Variants in ADGRG4 observed in about 807,000 individuals in gnomAD.
The protein encoded by ADGRG4 is G protein-coupled receptor 112.
ADGRG4 carries 122 observed loss-of-function variants against 126.2 expected under a neutral mutation model. The ratio of observed to expected loss-of-function variants is 0.97; its 90% CI spans 0.83 to 1.12. The LOEUF (loss-of-function observed/expected upper bound fraction) is 1.12, where lower values mean the gene tolerates loss of function less well. Among genes scored for constraint, ADGRG4 ranks in the 50% most tolerant of loss-of-function variants. ADGRG4 has a pLI of 0.00. For missense variants in ADGRG4, 2,481 were observed against 2,251.8 expected (o/e 1.10, Z -2.06); for synonymous variants, 943 against 838.7 (o/e 1.12, Z -2.15).
intron 5 of ADGRG4, among the ~76,000 whole-genome samples, chrX:136,342,963 A>G (rs1211265223): frequency 9.4e-6 from 1 of 106,313 alleles, no homozygotes; most frequent in Non-Finnish European, 1.9e-5. Context: ...ACTTAAAAAG[A>G]TCATTTTGGT....
At chrX:136,315,941 C>A (rs142791239) in intron 4 of ADGRG4, among the ~76,000 whole-genome samples, 173 of 111,805 alleles carry the variant, frequency 1.5e-3, no homozygotes, top group African/African-American at 5.3e-3. Context: ...AGAACAGATT[C>A]TCTCTCACAG....
intron 15 of ADGRG4, among the ~76,000 whole-genome samples, chrX:136,375,729 G>A (rs1036784758): frequency 2.7e-5 from 3 of 111,427 alleles, no homozygotes; most frequent in Non-Finnish European, 5.7e-5. Flanking sequence ...TTTTTGATAG[G>A]ATCCTTTGAT....
chrX:136,393,054 T>C (rs778169536), intron 17 of ADGRG4, among the ~76,000 whole-genome samples: 1 of 112,091 alleles, frequency 8.9e-6, no homozygotes, highest in South Asian at 3.8e-4. Flanking sequence ...TTATCCCCGG[T>C]AACTAATTGC....
chrX:136,328,486 A>G (rs2074888721), intron 5 of ADGRG4, among the ~76,000 whole-genome samples: 1 of 112,264 alleles, frequency 8.9e-6, no homozygotes, highest in African/African-American at 3.2e-5. Flanking sequence ...CATGCAGATT[A>G]AATTCCTTTT....
intron 23 of ADGRG4, among the ~76,000 whole-genome samples, chrX:136,408,880 C>G (rs954484324): frequency 9.0e-6 from 1 of 111,247 alleles, no homozygotes; most frequent in Non-Finnish European, 1.9e-5. Context: ...AAACTAAAAT[C>G]AAAGTCCCAT....
chrX:136,379,337 G>A (rs2075245770), intron 15 of ADGRG4, among the ~76,000 whole-genome samples: 1 of 110,873 alleles, frequency 9.0e-6, no homozygotes, highest in African/African-American at 3.3e-5. Context: ...TTTCTGTAAA[G>A]GGCAGATAAT....
At chrX:136,334,502 A>T (rs2074937490) in intron 5 of ADGRG4, among the ~76,000 whole-genome samples, 1 of 112,037 alleles carries the variant, frequency 8.9e-6, no homozygotes, top group African/African-American at 3.2e-5. Context: ...TGGAATATTG[A>T]TAGGAATTGG....
In ADGRG4 at chrX:136,346,962, C is replaced by T. The variant is rs866052593; in HGVS notation, c.3256C>T (p.Arg1086Cys). ...TGTGCCTACCCATGGAGACTTGATT[C>T]GTACCACTTCAGAGGCCACGGTAAT... The part of the protein sequence containing the change: ...VIVPTHGDLI[R>C]TTSEATVISV... The change falls in exon 6 of 26, where the codon CGT (arginine) becomes TGT (cysteine). Residue 1086 changes from arginine to cysteine, a missense_variant. Transcript: ENST00000394143. 13 of 1,210,440 alleles carry T rather than the reference C, an allele frequency of 1.1e-5. No homozygotes were observed. The highest frequency in any genetic ancestry group is 3.0e-5 in the East Asian group (1 of 33,815).
intron 8 of ADGRG4, among the ~76,000 whole-genome samples, chrX:136,355,441 G>T (rs1299310147): frequency 9.0e-6 from 1 of 110,504 alleles, no homozygotes; most frequent in Non-Finnish European, 1.9e-5. Flanking sequence ...GATGTCTGGG[G>T]GTATAAAACA....
intron 4 of ADGRG4, among the ~76,000 whole-genome samples, chrX:136,310,135 T>G (rs2074758677): frequency 1.8e-5 from 2 of 109,904 alleles, no homozygotes; most frequent in South Asian, 7.9e-4. Flanking sequence ...TCAGTGAAAA[T>G]TATTATTATT....
rs1491589121 is a variant in ADGRG4 at position 136,380,603 on chromosome X, C to CTT, written c.7777-7137_7777-7136insTT. Among the ~76,000 whole-genome samples the CTT allele has an allele frequency of 5.0e-3, 405 of 80,884 alleles. 3 individuals carry two copies. Among genetic ancestry groups the CTT allele is most frequent in the South Asian group, 7.0e-3 (10 of 1,425 alleles). The allele number at this position is 80,884 out of a possible 115,157, so 70.2% of individuals were successfully genotyped here. ...TCCTCCTCCTCCTCCTCCTCCTCCTCCTCTTCTTCTTCTTCTTCTTCTTCT... is the reference window on the plus strand; with the variant it reads ...TCCTCCTCCTCCTCCTCCTCCTCCTCTTCTCTTCTTCTTCTTCTTCTTCTTCT... On this transcript the variant is annotated intron_variant, in intron 15 of 25. Transcript: ENST00000394143.
intron 15 of ADGRG4, among the ~76,000 whole-genome samples, chrX:136,384,103 G>A (rs1001379005): frequency 9.1e-6 from 1 of 109,707 alleles, no homozygotes; most frequent in Non-Finnish European, 1.9e-5. Flanking sequence ...TAGAGACAGG[G>A]TTTCACCATG....
chrX:136,347,143 C>T lies in ADGRG4; in HGVS notation c.3437C>T (p.Ser1146Leu). The change falls in exon 6 of 26, where the codon TCA (serine) becomes TTA (leucine). Residue 1146 changes from serine (S) to leucine (L), a missense_variant. Physicochemically the swap from Ser to Leu is moderately radical, Grantham distance 145. Transcript: ENST00000394143. ...VTPSTHTLVC[S>L]KPPPDNIPPA... ...CCATCTACACACACTCTTGTCTGCT[C>T]AAAACCTCCCCCTGACAACATTCCT... The T allele has an allele frequency of 1.7e-6, 2 of 1,211,061 alleles. No homozygotes were observed. The highest frequency in any genetic ancestry group is 2.2e-6 in the Non-Finnish European group (2 of 895,100).
rs1195117561 is a variant in ADGRG4 at position 136,302,253 on chromosome X, T to C, written c.-254+1253T>C. ...TTCCATTTGTTTGTGTCCTCTTTTA[T>C]TTCACTGAGCAATGGTTTGTGGTTC... On this transcript the variant is annotated intron_variant, in intron 1 of 25. Coordinates refer to ENST00000394143, the MANE Select transcript of ADGRG4 (RefSeq NM_153834.4). Among the ~76,000 whole-genome samples, 15 of 111,947 alleles carry C rather than the reference T, an allele frequency of 1.3e-4. No individual in the cohort carries two copies. The East Asian group carries it at 3.9e-3, about 29-fold the overall frequency.
chrX:136,325,742 G>A (rs1382867200), intron 5 of ADGRG4, among the ~76,000 whole-genome samples: 3 of 96,563 alleles, frequency 3.1e-5, no homozygotes, highest in Admixed American at 1.3e-4. Flanking sequence ...ATGGAGTCTC[G>A]CTGCGACACC....
chrX:136,349,877 A>G lies in ADGRG4; in HGVS notation c.6171A>G (p.Thr2057=). ...MISAHPFTNL[T]TLPSATMSTI... Reference sequence around the variant, plus strand: ...CAGCGCACCCATTCACTAACTTGACAACACTACCCTCTGCTACTATGAGCA... The same window carrying G: ...CAGCGCACCCATTCACTAACTTGACGACACTACCCTCTGCTACTATGAGCA... The change falls in exon 6 of 26, where the codon ACA becomes ACG. Residue 2057 remains threonine, a synonymous_variant. Coordinates refer to ENST00000394143, the MANE Select transcript of ADGRG4 (RefSeq NM_153834.4). The G allele has an allele frequency of 8.3e-7, 1 of 1,210,507 alleles. No individual in the cohort carries two copies. Among genetic ancestry groups the G allele is most frequent in the Admixed American group, 2.2e-5 (1 of 45,989 alleles).
intron 16 of ADGRG4, among the ~76,000 whole-genome samples, chrX:136,388,414 G>T (rs996042565): frequency 8.9e-6 from 1 of 112,186 alleles, no homozygotes; most frequent in Admixed American, 9.4e-5. Flanking sequence ...CTCAGGGGCA[G>T]GCTGGTTGAA....
intron 1 of ADGRG4, among the ~76,000 whole-genome samples, chrX:136,303,409 C>T (rs897073268): frequency 3.1e-4 from 34 of 111,420 alleles, no homozygotes; most frequent in African/African-American, 1.0e-3. Context: ...ACCTTGATTG[C>T]GCCAATGTAT....
At chrX:136,334,299 A>G (rs968062145) in intron 5 of ADGRG4, among the ~76,000 whole-genome samples, 1 of 111,312 alleles carries the variant, frequency 9.0e-6, no homozygotes, top group African/African-American at 3.3e-5. Context: ...ATCTTTTCCA[A>G]TCATCTATGT....
Sources: allele counts gnomAD v4.1 joint callset (sites outside exome capture counted in the v4.1 genomes callset), GRCh38; gene constraint gnomAD v4.1.1; transcripts MANE v1.5; gene names NCBI Gene and HGNC (gene_info 2026-07-23, HGNC 2026-07-21).